The following PRKCA variants were observed in gnomAD, a reference collection of about 807,000 sequenced individuals.
PRKCA encodes the protein protein kinase C alpha type.
PRKCA carries 27 observed loss-of-function variants against 87.0 expected under a neutral mutation model. The observed-to-expected ratio is 0.31, with a 90% confidence interval of 0.23 to 0.43. The LOEUF (loss-of-function observed/expected upper bound fraction) is 0.43. Ranked by LOEUF, PRKCA falls within the 20% of genes least tolerant of loss-of-function variation. The probability of loss-of-function intolerance (pLI) is 1.00; values close to 1 mark genes in which losing one functional copy is unlikely to be tolerated. For synonymous variants in PRKCA, 329 were observed against 311.1 expected (o/e 1.06, Z -0.61); for missense variants, 518 against 852.3 (o/e 0.61, Z 4.88).
intron 13 of PRKCA, among the ~76,000 whole-genome samples, chr17:66,764,376 A>T (rs145276845): frequency 6.6e-6 from 1 of 152,300 alleles, no homozygotes; most frequent in East Asian, 1.9e-4. Context: ...AAGCCCTGGT[A>T]GAGAGTGGAA....
intron 3 of PRKCA, among the ~76,000 whole-genome samples, chr17:66,638,627 T>A (rs1008709435): frequency 6.6e-6 from 1 of 152,128 alleles, no homozygotes; most frequent in Non-Finnish European, 1.5e-5. Context: ...GGCAGGTGGA[T>A]CACGAGGTCA....
At chr17:66,715,041 T>C (rs1973438727) in intron 8 of PRKCA, among the ~76,000 whole-genome samples, 1 of 152,214 alleles carries the variant, frequency 6.6e-6, no homozygotes. Context: ...AATTGCTTGC[T>C]CCTGTCAGAG....
At chr17:66,493,608 G>C (rs1265228347) in intron 2 of PRKCA, among the ~76,000 whole-genome samples, 1 of 151,904 alleles carries the variant, frequency 6.6e-6, no homozygotes, top group African/African-American at 2.4e-5. Flanking sequence ...TCACTGTACA[G>C]CATGCTAGAT....
intron 3 of PRKCA, among the ~76,000 whole-genome samples, chr17:66,623,600 TG>T (rs564870324): frequency 3.9e-5 from 6 of 152,196 alleles, no homozygotes; most frequent in Non-Finnish European, 8.8e-5. Flanking sequence ...GGCCCTCTTT[TG>T]GGTGCTGGAA....
chr17:66,345,088 T>C (rs980502528), intron 2 of PRKCA, among the ~76,000 whole-genome samples: 2 of 152,230 alleles, frequency 1.3e-5, no homozygotes, highest in African/African-American at 4.8e-5. Context: ...CTATTTCTTT[T>C]GCAAACTAAA....
rs115992812 is a variant in PRKCA, at chr17:66,435,096, A to G, written c.206-61105A>G. ...ATGTATGAATGAAATAAATAAATTC[A>G]AATGCCAGGCTTTTACCATGGGGTC... On this transcript the variant is annotated intron_variant, in intron 2 of 16. Transcript: ENST00000413366. Among the ~76,000 whole-genome samples the G allele has an allele frequency of 9.0e-3, 1,370 of 152,320 alleles. 21 individuals are homozygous for G. The highest frequency in any genetic ancestry group is 0.031 in the African/African-American group (1,306 of 41,562).
At chr17:66,509,569 C>G (rs1413309353) in intron 3 of PRKCA, among the ~76,000 whole-genome samples, 1 of 152,192 alleles carries the variant, frequency 6.6e-6, no homozygotes, top group Non-Finnish European at 1.5e-5. Context: ...ATGAGATCCA[C>G]CTGCACTAGG....
At chr17:66,551,066 T>A (rs906548833) in intron 3 of PRKCA, among the ~76,000 whole-genome samples, 5 of 152,144 alleles carry the variant, frequency 3.3e-5, no homozygotes, top group Non-Finnish European at 5.9e-5. Context: ...GCATCTTTTT[T>A]AATTGTTGTT....
intron 3 of PRKCA, among the ~76,000 whole-genome samples, chr17:66,610,090 G>A (rs1970313317): frequency 6.6e-6 from 1 of 152,146 alleles, no homozygotes; most frequent in African/African-American, 2.4e-5. Flanking sequence ...CATAAGTACA[G>A]GTTACCCATA....
intron 13 of PRKCA, among the ~76,000 whole-genome samples, chr17:66,757,517 C>T (rs200023966): frequency 1.4e-5 from 2 of 143,104 alleles, no homozygotes; most frequent in African/African-American, 2.6e-5. Flanking sequence ...GAAAGCAACA[C>T]GTTACCTAAA....
chr17:66,474,326 T>C lies in PRKCA; in HGVS notation c.206-21875T>C, dbSNP rs548715526. Among the ~76,000 whole-genome samples, 4 of 152,316 alleles carry C rather than the reference T, an allele frequency of 2.6e-5. No individual in the cohort carries two copies. In the East Asian group the frequency reaches 7.7e-4, roughly 29 times the overall value. Reference sequence around the variant, plus strand: ...ATGCATGAACAAGAGCTTTAAAAATTGATGGGGACCCTGGGCTGCTGGCTA... The same window carrying C: ...ATGCATGAACAAGAGCTTTAAAAATCGATGGGGACCCTGGGCTGCTGGCTA... On this transcript the variant is annotated intron_variant, in intron 2 of 16. Transcript: ENST00000413366.
chr17:66,325,569 T>G (rs1242839810), intron 2 of PRKCA, among the ~76,000 whole-genome samples: 1 of 152,140 alleles, frequency 6.6e-6, no homozygotes, highest in African/African-American at 2.4e-5. Flanking sequence ...CCAGCAATGC[T>G]TGATGATAGT....
intron 5 of PRKCA, among the ~76,000 whole-genome samples, chr17:66,673,120 T>C (rs957945): frequency 0.11 from 16,150 of 152,280 alleles, 929 homozygotes; most frequent in Middle Eastern, 0.17. Context: ...CATTTTCTTT[T>C]GAAACATCAG....
rs1311604730 is a variant in PRKCA, at chr17:66,689,201, G to A, written c.918+154G>A. Among the ~76,000 whole-genome samples, 1 of 152,112 alleles carries A rather than the reference G, an allele frequency of 6.6e-6. No homozygotes were observed. Among genetic ancestry groups the A allele is most frequent in the African/African-American group, 2.4e-5 (1 of 41,418 alleles). The stretch of plus-strand genomic sequence containing the variant: ...TTATTTAAAAACATGAATGTTGTTC[G>A]TTCCCTTTCCTTTGCAAGCTGTTGA... On this transcript the variant is annotated intron_variant, in intron 8 of 16. Coordinates refer to ENST00000413366, the MANE Select transcript of PRKCA (RefSeq NM_002737.3). The surrounding 1 kb of genome is among the most constrained non-coding windows in gnomAD (Gnocchi z 4.1).
At chr17:66,522,976 G>A (rs997735979) in intron 3 of PRKCA, among the ~76,000 whole-genome samples, 4 of 152,098 alleles carry the variant, frequency 2.6e-5, no homozygotes, top group South Asian at 2.1e-4. Flanking sequence ...TACTGATCCC[G>A]GAATAAAGAT....
chr17:66,325,432 G>C (rs1905919757), intron 2 of PRKCA, among the ~76,000 whole-genome samples: 1 of 152,156 alleles, frequency 6.6e-6, no homozygotes. Flanking sequence ...GACCCAAGTA[G>C]TCACTCTGTT....
chr17:66,379,140 G>A (rs770348402), intron 2 of PRKCA, among the ~76,000 whole-genome samples: 1 of 152,114 alleles, frequency 6.6e-6, no homozygotes, highest in Non-Finnish European at 1.5e-5. Flanking sequence ...TTTTGTGGAC[G>A]TGTGTGTTCA....
intron 14 of PRKCA, among the ~76,000 whole-genome samples, chr17:66,784,483 G>T (rs1975328410): frequency 6.6e-6 from 1 of 152,202 alleles, no homozygotes; most frequent in African/African-American, 2.4e-5. Context: ...CTGACCTCAG[G>T]TGATCCACCC....
At chr17:66,416,708 T>A (rs1456979799) in intron 2 of PRKCA, 1 of 152,164 alleles carries the variant, frequency 6.6e-6, no homozygotes, top group South Asian at 2.1e-4. Flanking sequence ...GTGCTGGGAT[T>A]TGATCCCTGG....
Sources: gnomAD v4.1 joint callset for allele counts (sites outside exome capture counted in the v4.1 genomes callset) on GRCh38, gnomAD v4.1.1 for gene constraint, Gnocchi (gnomAD v3.1) non-coding constraint, MANE v1.5 for transcripts, NCBI Gene and HGNC (gene_info 2026-07-23, HGNC 2026-07-21) for gene names.